Variants in COA6 observed in about 807,000 individuals in gnomAD.
COA6 encodes the protein cytochrome c oxidase assembly factor 6.
COA6 carries 12 observed loss-of-function variants against 17.1 expected under a neutral mutation model. The observed-to-expected ratio is 0.70, with a 90% CI of 0.45 to 1.14. COA6 has a LOEUF of 1.14. COA6 is among the 50% of genes most tolerant of loss of function. The pLI, the probability that COA6 is intolerant of heterozygous loss-of-function variation, is 0.00. For synonymous variants in COA6, 90 were observed against 73.4 expected (o/e 1.23, Z -1.16); for missense variants, 246 against 196.5 (o/e 1.25, Z -1.51).
At chr1:234,383,573 GACACACACACAC>G (rs60042887) in intron 2 of COA6, 138 bp from the exon 3 acceptor site, 3 of 473,264 alleles carry the variant, frequency 6.3e-6, no homozygotes, top group African/African-American at 4.2e-5. Flanking sequence ...AGTTACAGCT[GACACACACACAC>G]ACACACACAC....
At chr1:234,382,445 G>A (rs1659002561) in intron 2 of COA6, among the ~76,000 whole-genome samples, 1 of 152,222 alleles carries the variant, frequency 6.6e-6, no homozygotes, top group Non-Finnish European at 1.5e-5. Flanking sequence ...GAATAAGAAA[G>A]CAGTAATCAC....
intron 2 of COA6, among the ~76,000 whole-genome samples, chr1:234,376,969 T>C (rs1396163508): frequency 6.6e-6 from 1 of 151,726 alleles, no homozygotes; most frequent in Non-Finnish European, 1.5e-5. Flanking sequence ...TGTTGGAGGC[T>C]GGAGGTCCGA....
chr1:234,373,804 A>G, intron 1 of COA6, 126 bp downstream of exon 1: 1 of 1,613,618 alleles, frequency 6.2e-7, no homozygotes. Flanking sequence ...CTGCTTGGTG[A>G]TTGTGGCCCC....
chr1:234,377,497 CCTCTCCTCCCATGCT>C (rs1658840599), intron 2 of COA6, among the ~76,000 whole-genome samples: 1 of 152,144 alleles, frequency 6.6e-6, no homozygotes, highest in Admixed American at 6.5e-5. Flanking sequence ...ACCCAGTAGG[CCTCTCCTCCCATGCT>C]TCCAGCTTCA....
intron 2 of COA6, among the ~76,000 whole-genome samples, chr1:234,380,647 C>T (rs1572173645): frequency 7.9e-6 from 1 of 126,656 alleles, no homozygotes. Context: ...GTAGCTGTTA[C>T]CAAAACAAAT....
At chr1:234,380,825 C>A (rs1388465180) in intron 2 of COA6, among the ~76,000 whole-genome samples, 1 of 152,170 alleles carries the variant, frequency 6.6e-6, no homozygotes, top group Non-Finnish European at 1.5e-5. Flanking sequence ...CATGGCGAAA[C>A]CCCATCTCTA....
chr1:234,381,092 C>G (rs954511257), intron 2 of COA6, among the ~76,000 whole-genome samples: 7 of 152,206 alleles, frequency 4.6e-5, no homozygotes, highest in African/African-American at 1.7e-4. Flanking sequence ...GTTCCACAAA[C>G]AGAGCAACCA....
Position 234,377,643 on chromosome 1 carries a change from G to C in COA6, c.372+3254G>C, listed in dbSNP as rs192125365. The stretch of plus-strand genomic sequence containing the variant: ...GGGCTGTGAGCTCAGCTGCTGTCCA[G>C]CTTCACTCTGATCCTTCTGGAAGCT... On this transcript the variant is annotated intron_variant, in intron 2 of 2. Transcript: ENST00000366615. Among the ~76,000 whole-genome samples the C allele has an allele frequency of 5.4e-4, 83 of 152,330 alleles. No homozygotes were observed. The East Asian group carries it at 0.013, about 23-fold the overall frequency.
intron 2 of COA6, among the ~76,000 whole-genome samples, chr1:234,375,752 C>T (rs1304135455): frequency 6.6e-5 from 10 of 152,184 alleles, no homozygotes; most frequent in Admixed American, 5.9e-4. Context: ...CTCCTGGCCT[C>T]AAGCAATCTT....
Position 234,383,037 on chromosome 1 carries a change from AG to A in COA6, c.373-683del, listed in dbSNP as rs1352019931. 6.4e-3 allele frequency among the ~76,000 whole-genome samples: 72 copies of A among 11,316 alleles called. 3 individuals carry two copies. Among genetic ancestry groups the A allele is most frequent in the African/African-American group, 0.016 (47 of 2,912 alleles). 7.4% of individuals were successfully genotyped at this position (11,316 alleles called of 152,430 possible). On this transcript the variant is annotated intron_variant, in intron 2 of 2. Transcript: ENST00000366615. ...AGAAAGAGAGAGAGAGAGAGAAGGA[AG>A]GGAGGGAGGGAGGGAGGGAGGGAGG...
chr1:234,381,090 A>G lies in COA6; in HGVS notation c.373-2633A>G, dbSNP rs57860345. Among the ~76,000 whole-genome samples, 372 of 152,372 alleles carry G rather than the reference A, an allele frequency of 2.4e-3. 3 individuals are homozygous for G. The highest frequency in any genetic ancestry group is 8.6e-3 in the African/African-American group (358 of 41,590). On this transcript the variant is annotated intron_variant, in intron 2 of 2. Transcript: ENST00000366615. Reference sequence around the variant, plus strand: ...TAGCATCATCTAACAAAGTTCCACAAACAGAGCAACCAGATATCCAAGATC... The same window carrying G: ...TAGCATCATCTAACAAAGTTCCACAGACAGAGCAACCAGATATCCAAGATC...
At chr1:234,377,825 G>GAC (rs1658852651) in intron 2 of COA6, among the ~76,000 whole-genome samples, 1 of 152,218 alleles carries the variant, frequency 6.6e-6, no homozygotes, top group Non-Finnish European at 1.5e-5. Context: ...AGGGAATCTG[G>GAC]ACAGAGGCCC....
rs750174735 is a variant in COA6 at position 234,383,711 on chromosome 1, T to TC, written c.373-12_373-11insC. ...ACTTGCCCTTATTTCAAATCCTTTT[T>TC]TTTTCCAACAGATAAAATATTTTGA... On this transcript the variant is annotated splice_polypyrimidine_tract_variant and intron_variant, in intron 2 of 2. Transcript: ENST00000366615. 3.4e-6 allele frequency: 4 copies of TC among 1,191,192 alleles called. No homozygotes were observed. Among genetic ancestry groups the TC allele is most frequent in the Non-Finnish European group, 3.7e-6 (3 of 809,782 alleles). 73.8% of individuals were successfully genotyped at this position (1,191,192 alleles called of 1,614,324 possible). A position where few individuals can be genotyped will look rare whatever the true frequency, so the allele number is the denominator to read the frequency against.
intron 1 of COA6, chr1:234,373,892 G>A (rs768854562): frequency 6.3e-6 from 10 of 1,585,122 alleles, no homozygotes; most frequent in Non-Finnish European, 8.6e-6. Context: ...CTTTACTGGT[G>A]GGAAACGGGC....
At chr1:234,383,377 C>A (rs1271690428) in intron 2 of COA6, among the ~76,000 whole-genome samples, 1 of 99,896 alleles carries the variant, frequency 1.0e-5, no homozygotes, top group Non-Finnish European at 2.0e-5. Flanking sequence ...CACACTGGGG[C>A]CTGTTGTGGG....
At chr1:234,383,576 AC>A in intron 2 of COA6, 146 bp from the exon 3 acceptor site, 1 of 518,034 alleles carries the variant, frequency 1.9e-6, no homozygotes, top group Non-Finnish European at 3.5e-6. Context: ...TACAGCTGAC[AC>A]ACACACACAC....
chr1:234,377,059 C>CGAGAGAGAGAGA lies in COA6; in HGVS notation c.372+2701_372+2712dup, dbSNP rs71170479. Among the ~76,000 whole-genome samples, 151 of 82,624 alleles carry CGAGAGAGAGAGA rather than the reference C, an allele frequency of 1.8e-3. 6 individuals are homozygous for CGAGAGAGAGAGA. Among genetic ancestry groups the CGAGAGAGAGAGA allele is most frequent in the Non-Finnish European group, 1.8e-3 (78 of 42,232 alleles). The allele number at this position is 82,624 out of a possible 152,430, so 54.2% of individuals were successfully genotyped here. Reference sequence around the variant, plus strand: ...GACAGCTACCTTCTTGCTGTGTTGCCGAGAGAGAGAGAGAGAGAGAGAGAG... The same window carrying CGAGAGAGAGAGA: ...GACAGCTACCTTCTTGCTGTGTTGCCGAGAGAGAGAGAGAGAGAGAGAGAGAGAGAGAGAGAG... On this transcript the variant is annotated intron_variant, in intron 2 of 2. Transcript: ENST00000366615.
At chr1:234,374,526 G>A (rs1658728368) in intron 2 of COA6, 137 bp downstream of exon 2, 2 of 799,522 alleles carry the variant, frequency 2.5e-6, no homozygotes, top group Admixed American at 5.6e-5. Context: ...AACCTTGCCT[G>A]GTAATTCAGC....
intron 2 of COA6, among the ~76,000 whole-genome samples, chr1:234,379,190 C>T (rs567947405): frequency 5.9e-5 from 9 of 151,590 alleles, no homozygotes; most frequent in South Asian, 2.1e-4. Flanking sequence ...ATGGTTGGTG[C>T]TTTTACTCTT....
Sources: allele counts gnomAD v4.1 joint callset (sites outside exome capture counted in the v4.1 genomes callset), GRCh38; gene constraint gnomAD v4.1.1; transcripts MANE v1.5; gene names NCBI Gene and HGNC (gene_info 2026-07-23, HGNC 2026-07-21).